Variants in NECAB1 observed in about 807,000 individuals in gnomAD.
The protein encoded by NECAB1 is N-terminal EF-hand calcium binding protein 1, also known as N-terminal EF-hand calcium-binding protein 1.
NECAB1 carries 29 observed loss-of-function variants against 57.5 expected under a neutral mutation model. The observed-to-expected ratio is 0.50, with a 90% CI of 0.38 to 0.69. The LOEUF (loss-of-function observed/expected upper bound fraction) is 0.69. NECAB1 is among the 30% of genes least tolerant of loss of function. NECAB1 has a pLI of 0.00. For missense variants in NECAB1, 372 were observed against 413.8 expected (o/e 0.90, Z 0.88); for synonymous variants, 142 against 147.7 (o/e 0.96, Z 0.28).
intron 8 of NECAB1, among the ~76,000 whole-genome samples, chr8:90,933,143 T>G (rs1017313734): frequency 3.3e-5 from 5 of 152,284 alleles, no homozygotes; most frequent in Admixed American, 3.3e-4. Flanking sequence ...TGTAAACAAG[T>G]ACAACCACTA....
At chr8:90,818,071 G>A (rs1812087425) in intron 2 of NECAB1, among the ~76,000 whole-genome samples, 1 of 151,628 alleles carries the variant, frequency 6.6e-6, no homozygotes, top group South Asian at 2.1e-4. Flanking sequence ...ATGAAATTAT[G>A]GACATAGAGT....
At chr8:90,881,178 A>G in intron 5 of NECAB1, 48 bp downstream of exon 5, 1 of 1,340,032 alleles carries the variant, frequency 7.5e-7, no homozygotes, top group Non-Finnish European at 1.0e-6. Context: ...CTTCTTTGAA[A>G]AAGATTTTTC....
intron 6 of NECAB1, among the ~76,000 whole-genome samples, chr8:90,925,244 A>G (rs1358668022): frequency 6.6e-6 from 1 of 151,816 alleles, no homozygotes; most frequent in African/African-American, 2.4e-5. Flanking sequence ...CAATAGCTGC[A>G]TACACGTTTT....
At position 90,841,206 on chromosome 8, in the gene NECAB1, G is replaced by A. The variant is rs556720359; in HGVS notation, c.233+16381G>A. Among the ~76,000 whole-genome samples the A allele has an allele frequency of 8.7e-4, 132 of 151,786 alleles. 1 individual carries two copies. The Middle Eastern group carries it at 0.027, about 31-fold the overall frequency. On this transcript the variant is annotated intron_variant, in intron 3 of 12. Transcript: ENST00000417640. ...ACCTGGGAGGCGGAGCTTGCAGTGA[G>A]CCGAGATCGCATCACTGCACTCCAG...
chr8:90,875,474 C>T (rs1203829350), intron 4 of NECAB1, among the ~76,000 whole-genome samples: 18 of 105,068 alleles, frequency 1.7e-4, no homozygotes, highest in Non-Finnish European at 2.4e-4. Flanking sequence ...GGCGACAGAG[C>T]GAGACTCCGT....
chr8:90,862,368 C>A (rs1183159195), intron 3 of NECAB1, among the ~76,000 whole-genome samples: 2 of 152,020 alleles, frequency 1.3e-5, no homozygotes, highest in African/African-American at 4.8e-5. Context: ...TTGGAGATAC[C>A]TTTTTACCTT....
At chr8:90,941,594 T>TTA (rs1414078261) in intron 10 of NECAB1, among the ~76,000 whole-genome samples, 1 of 152,222 alleles carries the variant, frequency 6.6e-6, no homozygotes, top group Non-Finnish European at 1.5e-5. Flanking sequence ...AACTCTCTAA[T>TTA]GAGTATCTTA....
At chr8:90,843,854 T>G (rs972788013) in intron 3 of NECAB1, among the ~76,000 whole-genome samples, 2 of 152,186 alleles carry the variant, frequency 1.3e-5, no homozygotes, top group African/African-American at 4.8e-5. Context: ...CTAGTCTAAA[T>G]TCTTCATCTT....
At chr8:90,816,607 C>G (rs1320537576) in intron 2 of NECAB1, among the ~76,000 whole-genome samples, 2 of 151,664 alleles carry the variant, frequency 1.3e-5, no homozygotes, top group African/African-American at 4.8e-5. Flanking sequence ...ATTGAAGTGC[C>G]TTTTCTCCTT....
rs542237686 is a variant in NECAB1 at position 90,919,605 on chromosome 8, G to A, written c.494+1977G>A. 2.2e-4 allele frequency among the ~76,000 whole-genome samples: 33 copies of A among 152,246 alleles called. 1 individual carries two copies. The South Asian group carries it at 3.1e-3, about 14-fold the overall frequency. Reference sequence around the variant, plus strand: ...ATCATAAACTTCCTGTTTTCACTGCGTTGGGTGATTCTATACCAAATGGCA... The same window carrying A: ...ATCATAAACTTCCTGTTTTCACTGCATTGGGTGATTCTATACCAAATGGCA... On this transcript the variant is annotated intron_variant, in intron 6 of 12. Coordinates refer to ENST00000417640, the MANE Select transcript of NECAB1 (RefSeq NM_022351.5).
chr8:90,858,544 A>C (rs183518287), intron 3 of NECAB1, among the ~76,000 whole-genome samples: 1 of 152,208 alleles, frequency 6.6e-6, no homozygotes, highest in East Asian at 1.9e-4. Context: ...TATATCCATG[A>C]ATATCTGAGA....
At chr8:90,938,522 G>A (rs1246476427) in intron 9 of NECAB1, among the ~76,000 whole-genome samples, 1 of 152,130 alleles carries the variant, frequency 6.6e-6, no homozygotes, top group African/African-American at 2.4e-5. Flanking sequence ...GGCCTAGCCG[G>A]AACAGAAAAT....
intron 1 of NECAB1, among the ~76,000 whole-genome samples, chr8:90,800,703 C>T (rs1271564086): frequency 1.3e-5 from 2 of 152,124 alleles, no homozygotes; most frequent in African/African-American, 4.8e-5. Context: ...CCTATATATT[C>T]CTAGGTTCAA....
At chr8:90,889,088 T>C (rs1809086458) in intron 5 of NECAB1, among the ~76,000 whole-genome samples, 1 of 152,214 alleles carries the variant, frequency 6.6e-6, no homozygotes, top group African/African-American at 2.4e-5. Context: ...TATTACTCTG[T>C]AAGACTGAAT....
chr8:90,943,527 T>C lies in NECAB1; in HGVS notation c.860+2629T>C, dbSNP rs142939289. On this transcript the variant is annotated intron_variant, in intron 10 of 12. Coordinates refer to ENST00000417640, the MANE Select transcript of NECAB1 (RefSeq NM_022351.5). ...GTTGTACCAGTTAATCAAATTCAAT[T>C]TTCTACCTGTATCAATTGATAATCA... 3.2e-4 allele frequency among the ~76,000 whole-genome samples: 49 copies of C among 152,230 alleles called. 1 individual carries two copies. Among genetic ancestry groups the C allele is most frequent in the African/African-American group, 1.2e-3 (48 of 41,530 alleles).
intron 5 of NECAB1, among the ~76,000 whole-genome samples, chr8:90,896,776 CG>C (rs1190212564): frequency 6.6e-6 from 1 of 152,090 alleles, no homozygotes; most frequent in Non-Finnish European, 1.5e-5. Context: ...TGACTCATTC[CG>C]ATTACCTACT....
At chr8:90,942,337 C>A (rs1462474237) in intron 10 of NECAB1, among the ~76,000 whole-genome samples, 1 of 152,038 alleles carries the variant, frequency 6.6e-6, no homozygotes, top group Non-Finnish European at 1.5e-5. Flanking sequence ...GGGTGGCTGA[C>A]CTCCTCTCTA....
intron 6 of NECAB1, among the ~76,000 whole-genome samples, chr8:90,919,078 G>A (rs1331896002): frequency 1.3e-5 from 2 of 152,112 alleles, no homozygotes; most frequent in African/African-American, 2.4e-5. Context: ...AAAATAAGTA[G>A]TCATATTGCA....
At chr8:90,881,667 T>C (rs9643317) in intron 5 of NECAB1, among the ~76,000 whole-genome samples, 75,043 of 152,080 alleles carry the variant, frequency 0.49, 23,280 homozygotes, top group African/African-American at 0.86. Context: ...GAGGCCTCCC[T>C]AGAAACAGAA....
Sources: allele counts gnomAD v4.1 joint callset (sites outside exome capture counted in the v4.1 genomes callset), GRCh38; gene constraint gnomAD v4.1.1; transcripts MANE v1.5; gene names NCBI Gene and HGNC (gene_info 2026-07-23, HGNC 2026-07-21).